The following STAG1 variants were observed in gnomAD, a reference collection of about 807,000 sequenced individuals.
The protein encoded by STAG1 is STAG1 cohesin complex component.
Under a neutral mutation model 170.9 loss-of-function variants are expected in STAG1, and 26 were observed. The ratio of observed to expected loss-of-function variants is 0.15; its 90% CI spans 0.11 to 0.21. The LOEUF (loss-of-function observed/expected upper bound fraction) is 0.21. Among genes scored for constraint, STAG1 ranks in the 10% least tolerant of loss-of-function variants. The pLI is 1.00. For synonymous variants in STAG1, 514 were observed against 497.7 expected, an observed-to-expected ratio of 1.03 and a Z score of -0.44; for missense variants, 964 against 1,509.5, an observed-to-expected ratio of 0.64 and a Z score of 5.99.
chr3:136,414,931 G>C (rs984818385), intron 21 of STAG1, among the ~76,000 whole-genome samples: 1 of 152,114 alleles, frequency 6.6e-6, no homozygotes, highest in South Asian at 2.1e-4. Context: ...AGGGATCAGG[G>C]AAGGGCCTGT....
At chr3:136,523,861 C>A (rs1414102905) in intron 6 of STAG1, among the ~76,000 whole-genome samples, 2 of 152,066 alleles carry the variant, frequency 1.3e-5, no homozygotes, top group Non-Finnish European at 2.9e-5. Context: ...AATCCTTTCC[C>A]CATTGCTTGT....
chr3:136,704,133 C>T (rs1325549498), intron 1 of STAG1, among the ~76,000 whole-genome samples: 2 of 150,792 alleles, frequency 1.3e-5, no homozygotes, highest in Admixed American at 1.3e-4. Context: ...TCACTTCAAC[C>T]TCTGCCTCCC....
At chr3:136,506,612 C>T (rs1576543354) in intron 7 of STAG1, among the ~76,000 whole-genome samples, 1 of 144,986 alleles carries the variant, frequency 6.9e-6, no homozygotes, top group East Asian at 2.0e-4. Flanking sequence ...CACCACTGCA[C>T]TCCAGCCTGT....
At chr3:136,581,067 T>C (rs956803581) in intron 4 of STAG1, among the ~76,000 whole-genome samples, 3 of 151,960 alleles carry the variant, frequency 2.0e-5, no homozygotes, top group African/African-American at 4.8e-5. Context: ...TTGTCCAAGC[T>C]AGTGAACTCC....
intron 9 of STAG1, among the ~76,000 whole-genome samples, chr3:136,498,638 T>C (rs1933292220): frequency 6.6e-6 from 1 of 151,736 alleles, no homozygotes; most frequent in Non-Finnish European, 1.5e-5. Flanking sequence ...ACTCATCAAA[T>C]TATGCACTTA....
At chr3:136,593,252 C>A (rs1054861797) in intron 4 of STAG1, among the ~76,000 whole-genome samples, 4 of 152,182 alleles carry the variant, frequency 2.6e-5, no homozygotes, top group African/African-American at 9.7e-5. Flanking sequence ...GGCTGGGACC[C>A]ACCCTGCCCC....
chr3:136,541,238 G>C (rs1356620175), intron 6 of STAG1, among the ~76,000 whole-genome samples: 2 of 152,000 alleles, frequency 1.3e-5, no homozygotes, highest in African/African-American at 4.8e-5. Flanking sequence ...AGTGCTGAAA[G>C]TCAAGAAAAA....
At chr3:136,352,816 GTAGGCTA>G (rs1444463859) in intron 28 of STAG1, among the ~76,000 whole-genome samples, 5 of 152,116 alleles carry the variant, frequency 3.3e-5, no homozygotes, top group Non-Finnish European at 7.4e-5. Flanking sequence ...CGTGTTAAAG[GTAGGCTA>G]TATTATTCTG....
intron 22 of STAG1, among the ~76,000 whole-genome samples, chr3:136,386,112 C>A (rs1349828852): frequency 1.3e-5 from 2 of 152,068 alleles, no homozygotes; most frequent in Non-Finnish European, 2.9e-5. Flanking sequence ...CCGAGGCAGG[C>A]GGATCACAAG....
intron 1 of STAG1, among the ~76,000 whole-genome samples, chr3:136,674,127 G>C (rs557616136): frequency 2.7e-5 from 3 of 112,078 alleles, no homozygotes; most frequent in Non-Finnish European, 5.5e-5. Context: ...GGGAGGGAGG[G>C]AGGGAGGGAA....
intron 21 of STAG1, among the ~76,000 whole-genome samples, chr3:136,416,295 C>T (rs767801671): frequency 1.3e-5 from 2 of 152,140 alleles, no homozygotes; most frequent in African/African-American, 2.4e-5. Context: ...TGTGAGCCAC[C>T]GCGCCCAGCC....
Position 136,613,313 on chromosome 3 carries a change from C to CAAAAAAAAA in STAG1, c.133-8849_133-8841dup, listed in dbSNP as rs60449608. Among the ~76,000 whole-genome samples, 153 of 59,726 alleles carry CAAAAAAAAA rather than the reference C, an allele frequency of 2.6e-3. 13 individuals are homozygous for CAAAAAAAAA. Among genetic ancestry groups the CAAAAAAAAA allele is most frequent in the African/African-American group, 4.8e-3 (69 of 14,356 alleles). 39.2% of individuals were successfully genotyped at this position (59,726 alleles called of 152,430 possible). A position where few individuals can be genotyped will look rare whatever the true frequency, so the allele number is the denominator to read the frequency against. On this transcript the variant is annotated intron_variant, in intron 3 of 33. Transcript: ENST00000383202. The stretch of plus-strand genomic sequence containing the variant: ...AAGTGAACAGAGTGAGACTCCGTCT[C>CAAAAAAAAA]AAAAAAAAAAAAAAAAAAAAAAGAA...
At chr3:136,612,767 G>A (rs1290734301) in intron 3 of STAG1, among the ~76,000 whole-genome samples, 3 of 152,216 alleles carry the variant, frequency 2.0e-5, no homozygotes, top group African/African-American at 7.2e-5. Flanking sequence ...TTCCATGGAT[G>A]TATCACACTT....
At chr3:136,639,126 T>C (rs1007097026) in intron 1 of STAG1, among the ~76,000 whole-genome samples, 2 of 148,462 alleles carry the variant, frequency 1.3e-5, no homozygotes, top group Non-Finnish European at 3.0e-5. Flanking sequence ...CCATGCATAT[T>C]ATAAGAAAAG....
At chr3:136,394,744 G>T (rs2087103220) in intron 22 of STAG1, among the ~76,000 whole-genome samples, 1 of 152,040 alleles carries the variant, frequency 6.6e-6, no homozygotes, top group Non-Finnish European at 1.5e-5. Flanking sequence ...CCTGAGGTTG[G>T]GAGTTCGAGA....
intron 12 of STAG1, among the ~76,000 whole-genome samples, chr3:136,471,803 G>C (rs2089634723): frequency 6.6e-6 from 1 of 152,002 alleles, no homozygotes; most frequent in Non-Finnish European, 1.5e-5. Context: ...CTGTCCCTTT[G>C]AGGGTTCTTC....
intron 1 of STAG1, among the ~76,000 whole-genome samples, chr3:136,643,496 G>A (rs1354934462): frequency 6.6e-6 from 1 of 152,152 alleles, no homozygotes; most frequent in Non-Finnish European, 1.5e-5. Flanking sequence ...CAGGAGGCTG[G>A]AGTAGAACAA....
chr3:136,657,639 T>C (rs547466392), intron 1 of STAG1, among the ~76,000 whole-genome samples: 29 of 152,256 alleles, frequency 1.9e-4, no homozygotes, highest in African/African-American at 6.7e-4. Flanking sequence ...CTGGGCAACA[T>C]GGCAATACCC....
intron 16 of STAG1, among the ~76,000 whole-genome samples, chr3:136,432,392 G>T (rs928995054): frequency 6.6e-6 from 1 of 151,846 alleles, no homozygotes; most frequent in Non-Finnish European, 1.5e-5. Flanking sequence ...TCTATTGTCT[G>T]CTTTTTTTCC....
Sources: allele counts gnomAD v4.1 joint callset (sites outside exome capture counted in the v4.1 genomes callset), GRCh38; gene constraint gnomAD v4.1.1; transcripts MANE v1.5; gene names NCBI Gene and HGNC (gene_info 2026-07-23, HGNC 2026-07-21).